The following IFIH1 variants were observed in gnomAD, a reference collection of about 807,000 sequenced individuals.
IFIH1 encodes interferon induced with helicase C domain 1, also known as interferon-induced helicase C domain-containing protein 1.
In IFIH1, 125 loss-of-function variants were observed where a neutral mutation model predicts 107.4. The ratio of observed to expected loss-of-function variants is 1.16; its 90% CI spans 1.01 to 1.35. IFIH1 has a LOEUF of 1.35. Among genes scored for constraint, IFIH1 ranks in the 40% most tolerant of loss-of-function variants. The pLI is 0.00. For missense variants in IFIH1, 1,333 were observed against 1,213.7 expected (o/e 1.10, Z -1.46); for synonymous variants, 458 against 413.2 (o/e 1.11, Z -1.31).
Position 162,281,456 on chromosome 2 carries a change from A to C in IFIH1, c.1396T>G (p.Leu466Val). 6.2e-7 allele frequency: 1 copy of C among 1,612,316 alleles called. No homozygotes were observed. The highest frequency in any genetic ancestry group is 1.1e-5 in the South Asian group (1 of 91,026). ...TCTTTCTTGAGTCTATTGTTTTTCA[A>C]CTTCTGCATCAAATAATGCCTCATG... ...NIMRHYLMQK[L>V]KNNRLKKENK... Residue 466 changes from leucine to valine, a missense_variant, in exon 7 of 16, where the codon TTG becomes GTG. By Grantham distance (32) the Leu-to-Val change is conservative (BLOSUM62 1). Transcript: ENST00000649979.
intron 1 of IFIH1, among the ~76,000 whole-genome samples, chr2:162,312,355 T>C (rs569077166): frequency 1.3e-5 from 2 of 152,204 alleles, no homozygotes; most frequent in African/African-American, 4.8e-5. Flanking sequence ...CTTGAATATA[T>C]TAACCCAGCA....
Position 162,278,233 on chromosome 2 carries a change from T to C in IFIH1, c.1737A>G (p.Glu579=), listed in dbSNP as rs1389431088. Residue 579 remains glutamate, a synonymous_variant, in exon 9 of 16, where the codon GAA becomes GAG. Coordinates refer to ENST00000649979, the MANE Select transcript of IFIH1 (RefSeq NM_022168.4). The part of the protein sequence containing the change: ...PMSDFGTQPY[E]QWAIQMEKKA... ...TTTTTTCCATTTGAATGGCCCATTG[T>C]TCATAGGGTTGAGTTCCAAAATCTG... is the stretch of plus-strand genomic sequence containing the variant. 2 of 1,606,534 alleles carry C rather than the reference T, an allele frequency of 1.2e-6. No individual in the cohort carries two copies. The highest frequency in any genetic ancestry group is 1.7e-6 in the Non-Finnish European group (2 of 1,177,534).
chr2:162,283,793 T>C (rs780001759), intron 5 of IFIH1, among the ~76,000 whole-genome samples: 2 of 151,900 alleles, frequency 1.3e-5, no homozygotes, highest in South Asian at 2.1e-4. Context: ...GTGGAAATGA[T>C]GGAGGCTTCC....
rs556538145 is a variant in IFIH1 at position 162,274,906 on chromosome 2, G to A, written c.2305-962C>T. On this transcript the variant is annotated intron_variant, in intron 11 of 15. Transcript: ENST00000649979. ...CCTTCCCTTTCTTCTCAGAGGCAGT[G>A]TGAGTCCTTATTTGACTCCTACTCC... 1.2e-3 allele frequency among the ~76,000 whole-genome samples: 177 copies of A among 152,262 alleles called. 3 individuals carry two copies. The highest frequency in any genetic ancestry group is 3.8e-3 in the African/African-American group (157 of 41,548).
chr2:162,268,201 T>A lies in IFIH1; in HGVS notation c.2693A>T (p.Asn898Ile). 1.2e-6 allele frequency: 2 copies of A among 1,613,076 alleles called. No individual in the cohort carries two copies. Among genetic ancestry groups the A allele is most frequent in the Non-Finnish European group, 1.7e-6 (2 of 1,179,074 alleles). The change falls in exon 14 of 16, where the codon AAT becomes ATT. Residue 898 changes from asparagine to isoleucine, a missense_variant. Coordinates refer to ENST00000649979, the MANE Select transcript of IFIH1 (RefSeq NM_022168.4). Reference protein sequence around the residue: ...TKRNIAKHYKNNPSLITFLCK... With the variant: ...TKRNIAKHYKINPSLITFLCK... ...AAGGAAAGTTATTAGTGATGGGTTA[T>A]TCTTGTAATGCTTGGCAATATTTCT...
chr2:162,300,407 A>C (rs1558873164), intron 3 of IFIH1, among the ~76,000 whole-genome samples: 1 of 152,118 alleles, frequency 6.6e-6, no homozygotes, highest in Non-Finnish European at 1.5e-5. Context: ...CACTGGGGAG[A>C]TTTCTTTCTG....
chr2:162,286,029 G>A (rs1308274031), intron 5 of IFIH1, among the ~76,000 whole-genome samples: 2 of 151,888 alleles, frequency 1.3e-5, no homozygotes, highest in East Asian at 1.9e-4. Context: ...TGTCTCCTAC[G>A]CTCTGCACTG....
intron 3 of IFIH1, among the ~76,000 whole-genome samples, chr2:162,304,861 G>C (rs1683253408): frequency 6.6e-6 from 1 of 152,158 alleles, no homozygotes; most frequent in South Asian, 2.1e-4. Flanking sequence ...CATGTAAATT[G>C]GTACAAGTTC....
intron 1 of IFIH1, among the ~76,000 whole-genome samples, chr2:162,316,994 G>A (rs904415888): frequency 2.0e-5 from 3 of 150,988 alleles, no homozygotes; most frequent in African/African-American, 7.3e-5. Flanking sequence ...AAAGAATGTT[G>A]AAACTTTGAT....
intron 5 of IFIH1, among the ~76,000 whole-genome samples, chr2:162,287,906 A>G (rs952242547): frequency 5.3e-5 from 8 of 151,980 alleles, no homozygotes; most frequent in African/African-American, 1.9e-4. Context: ...CATAAGTTAT[A>G]GCTATTTGGT....
chr2:162,276,870 G>T lies in IFIH1; in HGVS notation c.2121C>A (p.Thr707=). Reference sequence around the variant, plus strand: ...CAGTCCTAGTATATTGCTCCATTATGGTATTTCTTAATTTGGTCAGCTTTT... The same window carrying T: ...CAGTCCTAGTATATTGCTCCATTATTGTATTTCTTAATTTGGTCAGCTTTT... ...ENEKLTKLRN[T]IMEQYTRTEE... is the part of the protein sequence containing the mutation. The change falls in exon 11 of 16, where the codon ACC becomes ACA. Residue 707 remains threonine, a synonymous_variant. Coordinates refer to ENST00000649979, the MANE Select transcript of IFIH1 (RefSeq NM_022168.4). The T allele has an allele frequency of 6.2e-7, 1 of 1,612,160 alleles. No homozygotes were observed. The highest frequency in any genetic ancestry group is 8.5e-7 in the Non-Finnish European group (1 of 1,178,956).
At chr2:162,284,148 A>G (rs1447219431) in intron 5 of IFIH1, among the ~76,000 whole-genome samples, 1 of 151,916 alleles carries the variant, frequency 6.6e-6, no homozygotes, top group Non-Finnish European at 1.5e-5. Flanking sequence ...TTAAGCCTTT[A>G]AAATTTGAGA....
chr2:162,306,630 T>A, intron 3 of IFIH1, 79 bp downstream of exon 3: 1 of 1,033,614 alleles, frequency 9.7e-7, no homozygotes, highest in South Asian at 1.7e-5. Context: ...ATTTTCTCCC[T>A]CTGATTAATA....
Position 162,273,910 on chromosome 2 carries a change from G to T in IFIH1, c.2339C>A (p.Thr780Asn), listed in dbSNP as rs1313107807. The T allele has an allele frequency of 6.2e-7, 1 of 1,607,084 alleles. No individual in the cohort carries two copies. Among genetic ancestry groups the T allele is most frequent in the East Asian group, 2.2e-5 (1 of 44,788 alleles). ...AGCGATAAGCAGATTTATTTTTCCA[G>T]TGCGAAATTTACTAATGACTTCTTT... ...EQKEVISKFR[T>N]GKINLLIATT... is the part of the protein sequence containing the mutation. The change falls in exon 12 of 16, where the codon ACT (threonine) becomes AAT (asparagine). Residue 780 changes from threonine (T) to asparagine (N), a missense_variant. Thr to Asn is a moderately conservative substitution (Grantham distance 65, BLOSUM62 0). Transcript: ENST00000649979.
chr2:162,278,090 A>G (rs1682736395), intron 9 of IFIH1, 115 bp downstream of exon 9: 1 of 845,876 alleles, frequency 1.2e-6, no homozygotes, highest in South Asian at 1.6e-5. Flanking sequence ...AGAACACAGA[A>G]ATTCTATTTG....
rs2287292 is a variant in IFIH1, at chr2:162,279,752, T to G, written c.1641+244A>C. Among the ~76,000 whole-genome samples the G allele has an allele frequency of 0.14, 22,016 of 151,960 alleles. 3,775 individuals carry two copies. The highest frequency in any genetic ancestry group is 0.39 in the African/African-American group (16,157 of 41,438). ...TGCCCATGGCCCCTCACTGTCCCTTTTAACTCATATGTACAAACAATGAAT... is the reference window on the plus strand; with the variant it reads ...TGCCCATGGCCCCTCACTGTCCCTTGTAACTCATATGTACAAACAATGAAT... On this transcript the variant is annotated intron_variant, in intron 8 of 15. Coordinates refer to ENST00000649979, the MANE Select transcript of IFIH1 (RefSeq NM_022168.4).
chr2:162,286,757 G>T (rs558809755), intron 5 of IFIH1, among the ~76,000 whole-genome samples: 9 of 151,874 alleles, frequency 5.9e-5, no homozygotes, highest in Non-Finnish European at 1.2e-4. Flanking sequence ...GCACTTAAAA[G>T]CCTCCCTGGT....
At chr2:162,285,193 T>C (rs572369203) in intron 5 of IFIH1, among the ~76,000 whole-genome samples, 1 of 152,064 alleles carries the variant, frequency 6.6e-6, no homozygotes, top group South Asian at 2.1e-4. Flanking sequence ...TGGGGCTGCA[T>C]TGCAGCATCT....
chr2:162,293,412 G>A, intron 4 of IFIH1, 152 bp downstream of exon 4: 1 of 555,786 alleles, frequency 1.8e-6, no homozygotes, highest in African/African-American at 1.9e-5. Context: ...TTTAAAGAAA[G>A]TGAATGGCAA....
Sources: gnomAD v4.1 joint callset for allele counts (sites outside exome capture counted in the v4.1 genomes callset) on GRCh38, gnomAD v4.1.1 for gene constraint, MANE v1.5 for transcripts, NCBI Gene and HGNC (gene_info 2026-07-23, HGNC 2026-07-21) for gene names.